Variants in PCDHGB3 observed in about 807,000 individuals in gnomAD.
The protein encoded by PCDHGB3 is protocadherin gamma-B3.
A neutral mutation model predicts 59.2 loss-of-function variants in PCDHGB3; 40 were observed. That is an observed-to-expected ratio of 0.68 (90% CI 0.52 to 0.88). PCDHGB3 has a LOEUF of 0.88. Ranked by LOEUF, PCDHGB3 falls within the 40% of genes least tolerant of loss-of-function variation. The pLI is 0.00. For synonymous variants in PCDHGB3, 581 were observed against 503.6 expected (o/e 1.15, Z -2.06); for missense variants, 1,309 against 1,187.9 (o/e 1.10, Z -1.50).
Position 141,487,193 on chromosome 5 carries a change from C to T in PCDHGB3, c.2416-7614C>T. 6.2e-7 allele frequency: 1 copy of T among 1,613,784 alleles called. No individual in the cohort carries two copies. Among genetic ancestry groups the T allele is most frequent in the Non-Finnish European group, 8.5e-7 (1 of 1,179,724 alleles). On this transcript the variant is annotated intron_variant, in intron 1 of 3. Transcript: ENST00000576222. The surrounding 1 kb of genome is among the most constrained non-coding windows in gnomAD (Gnocchi z 5.0). ...AGAGGAAGACACTCATCCAGTTGTC[C>T]CAGATCTTCGAGAATCTTCAGCTCC...
At position 141,409,100 on chromosome 5, in the gene PCDHGB3, A is replaced by G. The variant is rs1341878280; in HGVS notation, c.2415+36291A>G. ...GTTCTCATTGGATGAGAAAACAGGT[A>G]TGATTAAGAATAACCAGTCATTTGA... is the stretch of plus-strand genomic sequence containing the variant. On this transcript the variant is annotated intron_variant, in intron 1 of 3. Transcript: ENST00000576222. The G allele has an allele frequency of 6.8e-6, 11 of 1,613,934 alleles. No homozygotes were observed. In the Admixed American group the frequency reaches 1.0e-4, roughly 15 times the overall value.
chr5:141,409,769 G>A (rs1413636372), intron 1 of PCDHGB3: 19 of 1,612,658 alleles, frequency 1.2e-5, no homozygotes, highest in Non-Finnish European at 1.5e-5. Context: ...CTTTGATCAC[G>A]AGCAGCTGCG....
At chr5:141,483,706 C>T (rs1187078630) in intron 1 of PCDHGB3, among the ~76,000 whole-genome samples, 1 of 151,926 alleles carries the variant, frequency 6.6e-6, no homozygotes, top group African/African-American at 2.4e-5. Context: ...CTTTTTGACA[C>T]CAGAATATTG....
Position 141,371,850 on chromosome 5 carries a change from C to T in PCDHGB3, c.1456C>T (p.Leu486Phe), listed in dbSNP as rs1366445794. The change falls in exon 1 of 4, where the codon CTT becomes TTT. Residue 486 changes from leucine (L) to phenylalanine (F), a missense_variant. Transcript: ENST00000576222. ...ASDPDLGPNG[L>F]VSYYIVASDL... The stretch of plus-strand genomic sequence containing the variant: ...GGATCCCGACTTGGGACCTAATGGC[C>T]TTGTCTCCTACTACATCGTGGCCAG... 5 of 1,613,540 alleles carry T rather than the reference C, an allele frequency of 3.1e-6. No homozygotes were observed. Among genetic ancestry groups the T allele is most frequent in the Admixed American group, 1.7e-5 (1 of 60,014 alleles).
chr5:141,449,075 T>C (rs1452456191), intron 1 of PCDHGB3, among the ~76,000 whole-genome samples: 3 of 152,240 alleles, frequency 2.0e-5, no homozygotes, highest in African/African-American at 7.2e-5. Context: ...AATAGCCCTG[T>C]ACCTACATCA....
chr5:141,392,640 A>T, intron 1 of PCDHGB3: 1 of 651,284 alleles, frequency 1.5e-6, no homozygotes, highest in Non-Finnish European at 2.5e-6. Context: ...CTCACACCTC[A>T]CGAAGACCCG....
intron 1 of PCDHGB3, chr5:141,441,855 G>T (rs1210416963): frequency 2.8e-6 from 1 of 351,872 alleles, no homozygotes; most frequent in Admixed American, 4.0e-5. Context: ...ATATGGTGCT[G>T]CACGCCGCGG....
intron 1 of PCDHGB3, chr5:141,413,949 T>C (rs1291474416): frequency 6.2e-7 from 1 of 1,613,218 alleles, no homozygotes; most frequent in African/African-American, 1.3e-5. Context: ...TTCCTGAGAA[T>C]TTGCCTGTGG....
intron 1 of PCDHGB3, chr5:141,430,809 G>T (rs949727881): frequency 2.0e-6 from 3 of 1,526,896 alleles, no homozygotes; most frequent in Non-Finnish European, 2.6e-6. Flanking sequence ...GTCCTGCTGG[G>T]AATCCTCCTG....
intron 1 of PCDHGB3, chr5:141,388,958 C>T (rs767426744): frequency 7.4e-6 from 12 of 1,613,930 alleles, no homozygotes; most frequent in East Asian, 2.2e-5. Context: ...TGGAGGACGC[C>T]GAGCTGGGAA....
chr5:141,491,726 C>T lies in PCDHGB3; in HGVS notation c.2416-3081C>T. On this transcript the variant is annotated intron_variant, in intron 1 of 3. Transcript: ENST00000576222. This position sits in a 1 kb window ranked among gnomAD's most constrained non-coding sequence, Gnocchi z 6.9. ...GTGAGGGGCTCGGCGCCGCCCCGGG[C>T]GACCCCTGGGGGCGGCACTGGAGAA... The T allele has an allele frequency of 6.2e-7, 1 of 1,605,884 alleles. No individual in the cohort carries two copies. Among genetic ancestry groups the T allele is most frequent in the East Asian group, 2.2e-5 (1 of 44,600 alleles).
At chr5:141,483,700 T>C (rs1003495517) in intron 1 of PCDHGB3, among the ~76,000 whole-genome samples, 4 of 152,090 alleles carry the variant, frequency 2.6e-5, no homozygotes, top group Admixed American at 2.6e-4. Context: ...ATTCCTCTTT[T>C]TGACACCAGA....
At chr5:141,436,347 CT>C (rs1402378657) in intron 1 of PCDHGB3, among the ~76,000 whole-genome samples, 1 of 152,118 alleles carries the variant, frequency 6.6e-6, no homozygotes, top group African/African-American at 2.4e-5. Context: ...ATATCAGTGA[CT>C]TCAATCAACT....
At chr5:141,509,692 C>T (rs755446680) in intron 3 of PCDHGB3, among the ~76,000 whole-genome samples, 8 of 152,126 alleles carry the variant, frequency 5.3e-5, no homozygotes, top group Non-Finnish European at 1.0e-4. Context: ...TACAGTGGGA[C>T]GTTGGACTGG....
chr5:141,496,103 C>G (rs779317844), intron 2 of PCDHGB3, among the ~76,000 whole-genome samples: 1 of 152,100 alleles, frequency 6.6e-6, no homozygotes, highest in Non-Finnish European at 1.5e-5. Flanking sequence ...ACCAACACCC[C>G]GCTCTCTTCC....
In PCDHGB3 at chr5:141,371,429, G is replaced by A. The variant is rs766625096; in HGVS notation, c.1035G>A (p.Pro345=). 6.2e-6 allele frequency: 10 copies of A among 1,613,916 alleles called. No homozygotes were observed. In the East Asian group the frequency reaches 1.6e-4, roughly 25 times the overall value. The change falls in exon 1 of 4, where the codon CCG becomes CCA. Residue 345 remains proline, a synonymous_variant. Transcript: ENST00000576222. ...IDISDENDNA[P]EITLASESQH... is the part of the protein sequence containing the mutation. ...TTTCAGATGAAAATGACAATGCCCC[G>A]GAGATAACCCTGGCTTCTGAATCCC...
rs1309124846 is a variant in PCDHGB3, at chr5:141,491,295, T to C, written c.2416-3512T>C. On this transcript the variant is annotated intron_variant, in intron 1 of 3. Coordinates refer to ENST00000576222, the MANE Select transcript of PCDHGB3 (RefSeq NM_018924.5). This position sits in a 1 kb window ranked among gnomAD's most constrained non-coding sequence, Gnocchi z 6.9. ...CCAGTGACTTCCTCATACACCCTCC[T>C]GAGCGTTCAGACCTTACCCTTTACC... The C allele has an allele frequency of 6.2e-7, 1 of 1,614,176 alleles. No homozygotes were observed. Among genetic ancestry groups the C allele is most frequent in the Non-Finnish European group, 8.5e-7 (1 of 1,179,994 alleles).
chr5:141,391,135 C>T (rs1481057033), intron 1 of PCDHGB3: 2 of 152,104 alleles, frequency 1.3e-5, no homozygotes, highest in Non-Finnish European at 2.9e-5. Flanking sequence ...AATCATTCTC[C>T]TACCTCTAGG....
intron 3 of PCDHGB3, among the ~76,000 whole-genome samples, chr5:141,509,139 A>G (rs1042555376): frequency 2.6e-5 from 4 of 152,140 alleles, no homozygotes; most frequent in African/African-American, 9.7e-5. Flanking sequence ...ACCGAGGCGC[A>G]TCCCGGCTCT....
Sources: allele counts gnomAD v4.1 joint callset (sites outside exome capture counted in the v4.1 genomes callset), GRCh38; gene constraint gnomAD v4.1.1; non-coding constraint Gnocchi (gnomAD v3.1); transcripts MANE v1.5; gene names NCBI Gene and HGNC (gene_info 2026-07-23, HGNC 2026-07-21).